MAML3: variants seen among roughly 807,000 people sequenced by gnomAD.
The protein encoded by MAML3 is mastermind like transcriptional coactivator 3.
Under a neutral mutation model 101.9 loss-of-function variants are expected in MAML3, and 27 were observed. The ratio of observed to expected loss-of-function variants is 0.27; its 90% CI spans 0.20 to 0.37. MAML3 has a LOEUF of 0.37. Among genes scored for constraint, MAML3 ranks in the 10% least tolerant of loss-of-function variants. MAML3 has a pLI of 1.00. For synonymous variants in MAML3, 501 were observed against 555.9 expected (o/e 0.90, Z 1.39); for missense variants, 1,316 against 1,444.9 (o/e 0.91, Z 1.45).
At chr4:139,957,919 C>T (rs746377889) in intron 1 of MAML3, among the ~76,000 whole-genome samples, 39 of 152,182 alleles carry the variant, frequency 2.6e-4, no homozygotes, top group Admixed American at 1.7e-3. Flanking sequence ...GTGACTGACA[C>T]AGAAGATCAT....
intron 1 of MAML3, among the ~76,000 whole-genome samples, chr4:140,139,821 T>A (rs1728952376): frequency 6.6e-6 from 1 of 152,220 alleles, no homozygotes; most frequent in South Asian, 2.1e-4. Flanking sequence ...AAGACAGTTG[T>A]CTACCTTGCA....
chr4:140,104,790 C>T (rs1027142065), intron 1 of MAML3, among the ~76,000 whole-genome samples: 5 of 151,560 alleles, frequency 3.3e-5, no homozygotes. Flanking sequence ...CTGCATCTGG[C>T]CATAATATAT....
chr4:139,780,450 T>C (rs1335551164), intron 2 of MAML3, among the ~76,000 whole-genome samples: 1 of 152,186 alleles, frequency 6.6e-6, no homozygotes, highest in South Asian at 2.1e-4. Flanking sequence ...GAGAGACTCT[T>C]AACCAACCTC....
At chr4:139,877,206 A>G (rs1161089559) in intron 2 of MAML3, among the ~76,000 whole-genome samples, 1 of 152,212 alleles carries the variant, frequency 6.6e-6, no homozygotes, top group African/African-American at 2.4e-5. Flanking sequence ...AACTAACATG[A>G]AAGATATTTT....
At chr4:139,725,962 T>C (rs894511516) in intron 3 of MAML3, 127 bp from the exon 4 acceptor site, 42 of 738,458 alleles carry the variant, frequency 5.7e-5, no homozygotes, top group Non-Finnish European at 8.9e-5. Context: ...AAGAATCATA[T>C]GCATACAGGC....
chr4:139,729,156 C>CAAAAA (rs4057275), intron 3 of MAML3, among the ~76,000 whole-genome samples: 44 of 81,692 alleles, frequency 5.4e-4, no homozygotes, highest in Non-Finnish European at 6.9e-4. Flanking sequence ...GGAACAAAAG[C>CAAAAA]AAAAAAAAAA....
At chr4:139,923,233 A>G (rs1733159297) in intron 1 of MAML3, among the ~76,000 whole-genome samples, 1 of 152,092 alleles carries the variant, frequency 6.6e-6, no homozygotes, top group African/African-American at 2.4e-5. Flanking sequence ...CAGACGGTGG[A>G]AGCTCCACCA....
intron 1 of MAML3, among the ~76,000 whole-genome samples, chr4:140,029,180 G>T (rs1443493890): frequency 1.3e-5 from 2 of 152,166 alleles, no homozygotes; most frequent in Admixed American, 1.3e-4. Context: ...ACCCTGCTCA[G>T]CACAGGGTAG....
intron 1 of MAML3, among the ~76,000 whole-genome samples, chr4:139,908,713 T>C (rs1370918578): frequency 6.6e-6 from 1 of 152,246 alleles, no homozygotes; most frequent in East Asian, 1.9e-4. Flanking sequence ...GGCAGCTGTT[T>C]GCCCAAATTA....
chr4:140,021,060 G>A (rs1332356857), intron 1 of MAML3, among the ~76,000 whole-genome samples: 1 of 152,126 alleles, frequency 6.6e-6, no homozygotes, highest in Non-Finnish European at 1.5e-5. Context: ...TACCCAAGGA[G>A]TTACAGAGAG....
intron 2 of MAML3, among the ~76,000 whole-genome samples, chr4:139,798,093 A>AAAG: frequency 7.2e-6 from 1 of 139,298 alleles, no homozygotes; most frequent in South Asian, 2.4e-4. Context: ...AGAAAGAAAG[A>AAAG]AAAGGGATTA....
intron 1 of MAML3, among the ~76,000 whole-genome samples, chr4:140,113,624 C>A (rs113607608): frequency 2.6e-5 from 4 of 152,184 alleles, no homozygotes; most frequent in African/African-American, 9.7e-5. Context: ...TATCTTTCAA[C>A]ATAAAACAGG....
intron 2 of MAML3, among the ~76,000 whole-genome samples, chr4:139,734,392 C>A (rs1290064262): frequency 6.6e-6 from 1 of 152,170 alleles, no homozygotes; most frequent in Non-Finnish European, 1.5e-5. Context: ...GTTCTCCAAT[C>A]CACTCCTTGC....
chr4:140,011,161 T>TAA (rs1726551701), intron 1 of MAML3, among the ~76,000 whole-genome samples: 54 of 73,778 alleles, frequency 7.3e-4, no homozygotes, highest in African/African-American at 3.0e-3. Context: ...TATATTTATA[T>TAA]ATATGACATA....
intron 2 of MAML3, among the ~76,000 whole-genome samples, chr4:139,872,924 T>TA (rs1732042527): frequency 6.6e-6 from 1 of 151,570 alleles, no homozygotes; most frequent in Non-Finnish European, 1.5e-5. Flanking sequence ...CTAAAAATAT[T>TA]AAAAAAATTA....
At chr4:139,789,593 GT>G (rs1039314207) in intron 2 of MAML3, among the ~76,000 whole-genome samples, 40 of 152,250 alleles carry the variant, frequency 2.6e-4, no homozygotes, top group African/African-American at 9.4e-4. Context: ...ACACTGCAGG[GT>G]TTTGAATGTC....
chr4:139,722,268 T>C (rs1728266824), intron 4 of MAML3, among the ~76,000 whole-genome samples: 1 of 152,218 alleles, frequency 6.6e-6, no homozygotes, highest in Non-Finnish European at 1.5e-5. Flanking sequence ...GATGTAATTC[T>C]TATTTTTAAA....
chr4:139,751,955 G>A (rs528722972), intron 2 of MAML3, among the ~76,000 whole-genome samples: 19 of 152,298 alleles, frequency 1.2e-4, no homozygotes, highest in African/African-American at 4.6e-4. Flanking sequence ...ATAAAAGGAA[G>A]CCTGTATTGC....
intron 1 of MAML3, among the ~76,000 whole-genome samples, chr4:139,967,499 C>T (rs1426988651): frequency 6.6e-6 from 1 of 151,848 alleles, no homozygotes; most frequent in African/African-American, 2.4e-5. Context: ...CACACACACA[C>T]ACACACACAC....
Sources: allele counts gnomAD v4.1 joint callset (sites outside exome capture counted in the v4.1 genomes callset), GRCh38; gene constraint gnomAD v4.1.1; transcripts MANE v1.5; gene names NCBI Gene and HGNC (gene_info 2026-07-23, HGNC 2026-07-21).